The following MBD2 variants were observed in gnomAD, a reference collection of about 807,000 sequenced individuals.
The protein encoded by MBD2 is methyl-CpG binding domain protein 2, also known as methyl-CpG-binding domain protein 2.
Under a neutral mutation model 39.3 loss-of-function variants are expected in MBD2, and 9 were observed. The ratio of observed to expected loss-of-function variants is 0.23; its 90% CI spans 0.14 to 0.40. The LOEUF (loss-of-function observed/expected upper bound fraction) is 0.40. MBD2 is among the 10% of genes least tolerant of loss of function. The probability of loss-of-function intolerance (pLI) is 1.00; values close to 1 mark genes in which losing one functional copy is unlikely to be tolerated. For missense variants in MBD2, 458 were observed against 532.6 expected (o/e 0.86, Z 1.38); for synonymous variants, 233 against 211.1 (o/e 1.10, Z -0.90).
At position 54,154,764 on chromosome 18, in the gene MBD2, G is replaced by C. The variant is rs1468200931; in HGVS notation, c.*560C>G. ...AACCTAAGGCCCAGGGATCAGAGTT[G>C]AATGTAAATCAGAGGAAGGCTAACG... On this transcript the variant is annotated 3_prime_UTR_variant, in exon 7 of 7. Coordinates refer to ENST00000256429, the MANE Select transcript of MBD2 (RefSeq NM_003927.5). 6.6e-6 allele frequency: 1 copy of C among 152,648 alleles called. No homozygotes were observed. Among genetic ancestry groups the C allele is most frequent in the African/African-American group, 2.4e-5 (1 of 41,472 alleles). 9.5% of individuals were successfully genotyped at this position (152,648 alleles called of 1,614,324 possible). A position where few individuals can be genotyped will look rare whatever the true frequency, so the allele number is the denominator to read the frequency against.
chr18:54,156,840 C>T (rs565750284), intron 6 of MBD2, among the ~76,000 whole-genome samples: 18 of 151,534 alleles, frequency 1.2e-4, no homozygotes, highest in South Asian at 4.2e-4. Context: ...ATGACAAGAG[C>T]GAAACTCCAT....
chr18:54,213,999 C>CT (rs1280647832), intron 1 of MBD2, among the ~76,000 whole-genome samples: 1 of 144,262 alleles, frequency 6.9e-6, no homozygotes, highest in African/African-American at 2.6e-5. Flanking sequence ...TCTTTTCTTT[C>CT]TTTCTTTTTT....
chr18:54,164,960 T>G (rs889993345), intron 4 of MBD2, among the ~76,000 whole-genome samples: 1 of 152,238 alleles, frequency 6.6e-6, no homozygotes, highest in Non-Finnish European at 1.5e-5. Context: ...TGTAAGCTTA[T>G]AGCTGAGCAT....
chr18:54,200,943 G>C (rs763148896), intron 2 of MBD2, among the ~76,000 whole-genome samples: 1 of 152,088 alleles, frequency 6.6e-6, no homozygotes, highest in Admixed American at 6.5e-5. Flanking sequence ...AGCTGGGCGT[G>C]GTGGCGGGGG....
intron 3 of MBD2, among the ~76,000 whole-genome samples, chr18:54,182,176 T>A (rs180875595): frequency 1.3e-5 from 2 of 152,376 alleles, no homozygotes; most frequent in East Asian, 1.9e-4. Flanking sequence ...GAATGAATAA[T>A]TTAATTCACT....
intron 2 of MBD2, among the ~76,000 whole-genome samples, chr18:54,190,683 C>T (rs687994): frequency 0.84 from 128,024 of 152,258 alleles, 54,331 homozygotes; most frequent in East Asian, 1. Flanking sequence ...TTTTTGTTTA[C>T]ATCAATTAGC....
chr18:54,161,202 C>G (rs778233221), intron 5 of MBD2, among the ~76,000 whole-genome samples: 1 of 152,150 alleles, frequency 6.6e-6, no homozygotes, highest in Non-Finnish European at 1.5e-5. Flanking sequence ...GTCAAGGTAA[C>G]ATATATGTAC....
intron 1 of MBD2, among the ~76,000 whole-genome samples, chr18:54,215,301 G>A (rs2086547818): frequency 6.6e-6 from 1 of 152,054 alleles, no homozygotes; most frequent in Non-Finnish European, 1.5e-5. Context: ...ATGTGACTCA[G>A]GAATCTGGTA....
chr18:54,158,107 A>G (rs1278612913), intron 6 of MBD2, among the ~76,000 whole-genome samples: 1 of 152,134 alleles, frequency 6.6e-6, no homozygotes, highest in African/African-American at 2.4e-5. Flanking sequence ...GATTCCTGCT[A>G]ATTTTCATGA....
At chr18:54,158,785 G>A (rs866787861) in intron 6 of MBD2, among the ~76,000 whole-genome samples, 4 of 151,840 alleles carry the variant, frequency 2.6e-5, no homozygotes, top group Admixed American at 6.6e-5. Context: ...ATTCTACCAC[G>A]CCCAGCTAAT....
At chr18:54,218,131 T>A (rs921640040) in intron 1 of MBD2, among the ~76,000 whole-genome samples, 8 of 152,228 alleles carry the variant, frequency 5.3e-5, no homozygotes, top group African/African-American at 1.7e-4. Flanking sequence ...AAAAAATTGA[T>A]CTGTACGGTA....
At chr18:54,212,493 G>A (rs139316431) in intron 1 of MBD2, among the ~76,000 whole-genome samples, 61 of 152,248 alleles carry the variant, frequency 4.0e-4, no homozygotes, top group African/African-American at 1.4e-3. Flanking sequence ...CTTACTTGAC[G>A]TCAGATTTCC....
At chr18:54,211,149 A>G (rs946555152) in intron 1 of MBD2, among the ~76,000 whole-genome samples, 36 of 151,880 alleles carry the variant, frequency 2.4e-4, no homozygotes, top group Non-Finnish European at 4.3e-4. Flanking sequence ...GGGATTACAG[A>G]CGTGAGCCAC....
At chr18:54,188,257 G>C (rs2086297527) in intron 3 of MBD2, among the ~76,000 whole-genome samples, 1 of 152,102 alleles carries the variant, frequency 6.6e-6, no homozygotes, top group African/African-American at 2.4e-5. Flanking sequence ...CTCCCTCCCC[G>C]GGCTATATGG....
At chr18:54,188,021 C>T (rs947026781) in intron 3 of MBD2, among the ~76,000 whole-genome samples, 7 of 151,964 alleles carry the variant, frequency 4.6e-5, no homozygotes, top group African/African-American at 1.7e-4. Flanking sequence ...AAGGGGAATA[C>T]GAGAGCAAAA....
At chr18:54,213,614 G>T (rs1242675548) in intron 1 of MBD2, among the ~76,000 whole-genome samples, 1 of 152,130 alleles carries the variant, frequency 6.6e-6, no homozygotes, top group Non-Finnish European at 1.5e-5. Flanking sequence ...AAAAATACTG[G>T]TTATTTTGGT....
chr18:54,164,382 G>T, intron 5 of MBD2, 141 bp downstream of exon 5: 1 of 710,310 alleles, frequency 1.4e-6, no homozygotes, highest in Non-Finnish European at 2.3e-6. Context: ...ATCAGTTTCT[G>T]AAAAACTCTG....
intron 4 of MBD2, 94 bp downstream of exon 4, chr18:54,165,982 C>T (rs1162444336): frequency 2.4e-6 from 2 of 826,184 alleles, no homozygotes; most frequent in East Asian, 2.5e-5. Flanking sequence ...CAAAGGCCTC[C>T]TGTCAGTCAT....
chr18:54,157,803 A>C (rs1163634795), intron 6 of MBD2, among the ~76,000 whole-genome samples: 1 of 152,164 alleles, frequency 6.6e-6, no homozygotes, highest in Non-Finnish European at 1.5e-5. Context: ...GTGATGGCTC[A>C]AGTGAAAACC....
Sources: gnomAD v4.1 joint callset for allele counts (sites outside exome capture counted in the v4.1 genomes callset) on GRCh38, gnomAD v4.1.1 for gene constraint, MANE v1.5 for transcripts, NCBI Gene and HGNC (gene_info 2026-07-23, HGNC 2026-07-21) for gene names.